SYT1: variants seen among roughly 807,000 people sequenced by gnomAD.
The protein encoded by SYT1 is synaptotagmin-1.
SYT1 carries 8 observed loss-of-function variants against 44.8 expected under a neutral mutation model. The observed-to-expected ratio is 0.18, with a 90% CI of 0.10 to 0.32. SYT1 has a LOEUF of 0.32. Among genes scored for constraint, SYT1 ranks in the 10% least tolerant of loss-of-function variants. The pLI, the probability that SYT1 is intolerant of heterozygous loss-of-function variation, is 1.00. For missense variants in SYT1, 286 were observed against 509.3 expected (o/e 0.56, Z 4.22); for synonymous variants, 154 against 188.8 (o/e 0.82, Z 1.51).
intron 9 of SYT1, among the ~76,000 whole-genome samples, chr12:79,426,424 C>T (rs1869453475): frequency 6.6e-6 from 1 of 152,284 alleles, no homozygotes; most frequent in South Asian, 2.1e-4. Flanking sequence ...ATTTCACAGC[C>T]TTTAATTAGA....
chr12:79,017,808 A>T (rs1278836454), intron 2 of SYT1, among the ~76,000 whole-genome samples: 2 of 152,136 alleles, frequency 1.3e-5, no homozygotes, highest in East Asian at 3.9e-4. Context: ...ACGAGGAAAT[A>T]AATAGATAGA....
chr12:79,268,080 G>T (rs1044810361), intron 4 of SYT1, among the ~76,000 whole-genome samples: 1 of 152,154 alleles, frequency 6.6e-6, no homozygotes, highest in Non-Finnish European at 1.5e-5. Context: ...ATTCAGTAGG[G>T]ACTGTGAATT....
intron 3 of SYT1, among the ~76,000 whole-genome samples, chr12:79,198,570 A>C (rs1022126083): frequency 2.0e-5 from 3 of 152,192 alleles, no homozygotes; most frequent in African/African-American, 7.2e-5. Flanking sequence ...AATTACACTT[A>C]AAATTATTTT....
At chr12:79,000,307 T>C (rs1870650830) in intron 2 of SYT1, among the ~76,000 whole-genome samples, 1 of 150,206 alleles carries the variant, frequency 6.7e-6, no homozygotes, top group African/African-American at 2.5e-5. Flanking sequence ...TTTTTTTTTT[T>C]TTTGTGACAG....
chr12:79,053,711 GTAT>G (rs1371693915), intron 3 of SYT1, among the ~76,000 whole-genome samples: 18 of 150,526 alleles, frequency 1.2e-4, no homozygotes, highest in Non-Finnish European at 1.5e-4. Flanking sequence ...CAAACAATAA[GTAT>G]TATTACATAA....
At chr12:79,176,840 A>G (rs1050662579) in intron 3 of SYT1, among the ~76,000 whole-genome samples, 5 of 151,958 alleles carry the variant, frequency 3.3e-5, no homozygotes, top group African/African-American at 4.8e-5. Flanking sequence ...TTACAACCCT[A>G]CGTAGTTTAC....
At chr12:78,943,909 T>C (rs906874935) in intron 1 of SYT1, among the ~76,000 whole-genome samples, 3 of 152,224 alleles carry the variant, frequency 2.0e-5, no homozygotes, top group African/African-American at 7.2e-5. Flanking sequence ...CCATCTGGCT[T>C]GAACCTCATA....
chr12:79,228,872 GT>G (rs894385046), intron 4 of SYT1, among the ~76,000 whole-genome samples: 3 of 151,730 alleles, frequency 2.0e-5, no homozygotes, highest in Non-Finnish European at 2.9e-5. Flanking sequence ...CATTGTTGGG[GT>G]TTTTTTTGCC....
chr12:79,441,468 C>T (rs571809170), intron 9 of SYT1, among the ~76,000 whole-genome samples: 6 of 152,176 alleles, frequency 3.9e-5, no homozygotes, highest in Non-Finnish European at 7.4e-5. Context: ...GTGTGCACCA[C>T]CACGCCTGGC....
chr12:79,367,276 G>C (rs964785897), intron 9 of SYT1, among the ~76,000 whole-genome samples: 7 of 152,100 alleles, frequency 4.6e-5, no homozygotes, highest in African/African-American at 1.7e-4. Context: ...TTAATGCCTG[G>C]TTGCTGGACA....
intron 3 of SYT1, among the ~76,000 whole-genome samples, chr12:79,109,351 T>C (rs1878889715): frequency 6.6e-6 from 1 of 152,218 alleles, no homozygotes; most frequent in Non-Finnish European, 1.5e-5. Context: ...ATGTGATGGA[T>C]GTTACTGCTT....
At chr12:79,073,455 C>T (rs1486719795) in intron 3 of SYT1, among the ~76,000 whole-genome samples, 3 of 152,060 alleles carry the variant, frequency 2.0e-5, no homozygotes, top group African/African-American at 4.8e-5. Context: ...TAGGCGAATT[C>T]GGAATGTTGT....
At chr12:78,953,851 C>A (rs1484588813) in intron 1 of SYT1, among the ~76,000 whole-genome samples, 1 of 151,988 alleles carries the variant, frequency 6.6e-6, no homozygotes, top group Non-Finnish European at 1.5e-5. Flanking sequence ...TAGCACTAAA[C>A]TGGTTTGCTT....
At chr12:78,929,444 A>AAAAAAAAAAAAAAAAAAAAAT (rs1877507283) in intron 1 of SYT1, among the ~76,000 whole-genome samples, 1 of 146,164 alleles carries the variant, frequency 6.8e-6, no homozygotes. Context: ...AAAAAAAAAA[A>AAAAAAAAAAAAAAAAAAAAAT]AAGGTTATTA....
chr12:79,132,657 A>C (rs1200626159), intron 3 of SYT1, among the ~76,000 whole-genome samples: 1 of 144,594 alleles, frequency 6.9e-6, no homozygotes, highest in Non-Finnish European at 1.5e-5. Context: ...CTCATGGTCA[A>C]CAATATGGAG....
intron 1 of SYT1, among the ~76,000 whole-genome samples, chr12:78,934,789 G>C (rs1877959270): frequency 6.6e-6 from 1 of 152,244 alleles, no homozygotes; most frequent in South Asian, 2.1e-4. Context: ...TAAAGAATGT[G>C]GCATATAATT....
intron 2 of SYT1, among the ~76,000 whole-genome samples, chr12:79,030,729 G>A (rs977660132): frequency 2.6e-5 from 4 of 151,018 alleles, no homozygotes; most frequent in Non-Finnish European, 4.5e-5. Context: ...TATACATTAT[G>A]AGTGAATGGC....
At chr12:79,192,592 G>C (rs1873197703) in intron 3 of SYT1, among the ~76,000 whole-genome samples, 1 of 152,096 alleles carries the variant, frequency 6.6e-6, no homozygotes, top group Admixed American at 6.6e-5. Context: ...ATGCAAAGGA[G>C]GAAGAGACAC....
chr12:79,038,430 G>C (rs1283357876), intron 2 of SYT1, among the ~76,000 whole-genome samples: 2 of 151,696 alleles, frequency 1.3e-5, no homozygotes, highest in Non-Finnish European at 2.9e-5. Context: ...TTGCCATACA[G>C]TGCTTTATTT....
Sources: gnomAD v4.1 joint callset for allele counts (sites outside exome capture counted in the v4.1 genomes callset) on GRCh38, gnomAD v4.1.1 for gene constraint, MANE v1.5 for transcripts, NCBI Gene and HGNC (gene_info 2026-07-23, HGNC 2026-07-21) for gene names.